HLA-DQB1: variants seen among roughly 807,000 people sequenced by gnomAD.
HLA-DQB1 encodes the protein HLA class II histocompatibility antigen, DQ beta 1 chain.
A neutral mutation model predicts 26.4 loss-of-function variants in HLA-DQB1; 13 were observed. That is an observed-to-expected ratio of 0.49 (90% CI 0.32 to 0.78). HLA-DQB1 has a LOEUF of 0.78. Ranked by LOEUF, HLA-DQB1 falls within the 30% of genes least tolerant of loss-of-function variation. HLA-DQB1 has a pLI of 0.03. For synonymous variants in HLA-DQB1, 60 were observed against 129.1 expected, an observed-to-expected ratio of 0.46 and a Z score of 3.63; for missense variants, 158 against 326.2, an observed-to-expected ratio of 0.48 and a Z score of 3.97.
intron 3 of HLA-DQB1, 38 bp downstream of exon 3, chr6:32,661,929 T>TG: frequency 4.0e-6 from 5 of 1,257,440 alleles, no homozygotes; most frequent in Non-Finnish European, 5.3e-6. Flanking sequence ...CTCTTTGTCT[T>TG]GTGGGCCCAT....
intron 4 of HLA-DQB1, 159 bp from the exon 5 acceptor site, chr6:32,660,408 G>A: frequency 2.4e-6 from 1 of 418,280 alleles, no homozygotes; most frequent in African/African-American, 2.0e-5. Flanking sequence ...GGTGAAATCA[G>A]CTCATGAGGA....
chr6:32,660,968 G>T (rs1019543462), intron 4 of HLA-DQB1: 20,928 of 725,096 alleles, frequency 0.029, 1,708 homozygotes, highest in East Asian at 0.18. Flanking sequence ...ACATGACTTA[G>T]AGTTACATTC....
intron 2 of HLA-DQB1, chr6:32,664,586 C>G (rs281862246): frequency 1.1e-5 from 3 of 279,920 alleles, no homozygotes; most frequent in African/African-American, 5.5e-5. Context: ...GGACACTAGG[C>G]AGCCTGGCCA....
At chr6:32,665,979 C>G (rs9274481) in intron 1 of HLA-DQB1, among the ~76,000 whole-genome samples, 66,890 of 122,086 alleles carry the variant, frequency 0.55, 19,629 homozygotes, top group East Asian at 0.69. Context: ...AAGACTCCCT[C>G]TCTGTGGTCA....
At chr6:32,665,781 A>G (rs34230758) in intron 1 of HLA-DQB1, among the ~76,000 whole-genome samples, 21,742 of 126,566 alleles carry the variant, frequency 0.17, 2,792 homozygotes, top group South Asian at 0.2. Flanking sequence ...CATGATATCT[A>G]CACACAGGAT....
chr6:32,663,088 T>C (rs281863560), intron 2 of HLA-DQB1: 10 of 143,926 alleles, frequency 6.9e-5, no homozygotes, highest in African/African-American at 2.3e-4. Context: ...CCGGAAGGAA[T>C]CATGGTTTCT....
rs1447092912 is a variant in HLA-DQB1 at position 32,664,571 on chromosome 6, G to A, written c.379+227C>T. 2.4e-5 allele frequency: 2 copies of A among 84,192 alleles called. 1 individual carries two copies. Among genetic ancestry groups the A allele is most frequent in the Non-Finnish European group, 3.8e-5 (2 of 53,022 alleles). The allele number at this position is 84,192 out of a possible 1,614,324, so 5.2% of individuals were successfully genotyped here. On this transcript the variant is annotated intron_variant, in intron 2 of 4. Coordinates refer to ENST00000434651, the Ensembl canonical transcript of HLA-DQB1. Reference sequence around the variant, plus strand: ...GACGAGGCCGACGGACGGGGAGGCTGGGGGGGACACTAGGCAGCCTGGCCA... The same window carrying A: ...GACGAGGCCGACGGACGGGGAGGCTAGGGGGGACACTAGGCAGCCTGGCCA...
In HLA-DQB1 at chr6:32,664,881, A is replaced by T. The variant is rs41563814; in HGVS notation, c.296T>A (p.Val99Asp). The T allele has an allele frequency of 1.1e-5, 14 of 1,240,768 alleles. 1 individual carries two copies. The East Asian group carries it at 3.4e-4, about 30-fold the overall frequency. The allele number at this position is 1,240,768 out of a possible 1,614,324, so 76.9% of individuals were successfully genotyped here. A position where few individuals can be genotyped will look rare whatever the true frequency, so the allele number is the denominator to read the frequency against. ...CAACTCCGCCCGGGTCCCCTCCAGG[A>T]CTTCCTTCTGGCTGTTCCAGTACTC... Residue 99 changes from valine to aspartate, a missense_variant, in exon 2 of 5, where the codon GTC (valine) becomes GAC (aspartate). Coordinates refer to ENST00000434651, the Ensembl canonical transcript of HLA-DQB1.
intron 4 of HLA-DQB1, 38 bp from the exon 5 acceptor site, chr6:32,660,287 T>C (rs767637544): frequency 0.12 from 112,549 of 914,012 alleles, 32,586 homozygotes; most frequent in Admixed American, 0.38. Context: ...GCACAGGGTA[T>C]CCTGGTGGGC....
exon 3 of HLA-DQB1, chr6:32,662,223 T>C (rs9274020): frequency 1.4e-6 from 2 of 1,454,652 alleles, no homozygotes; most frequent in Non-Finnish European, 1.9e-6. Flanking sequence ...CTGTCCTGGA[T>C]GGGGAGATGG....
In HLA-DQB1 at chr6:32,662,382, A is replaced by C. The variant is rs9274096; in HGVS notation, c.380-134T>G. On this transcript the variant is annotated intron_variant, in intron 2 of 4. Coordinates refer to ENST00000434651, the Ensembl canonical transcript of HLA-DQB1. The stretch of plus-strand genomic sequence containing the variant: ...GAGTCGAAGTCTTGGATTAAGGTTC[A>C]TTCAACAAATATAAATTTGACAATC... 0.22 allele frequency: 59,604 copies of C among 269,034 alleles called. 17,257 individuals are homozygous for C. The highest frequency in any genetic ancestry group is 0.3 in the South Asian group (3,285 of 10,946). The allele number at this position is 269,034 out of a possible 1,614,324, so 16.7% of individuals were successfully genotyped here. A position where few individuals can be genotyped will look rare whatever the true frequency, so the allele number is the denominator to read the frequency against.
Position 32,664,671 on chromosome 6 carries a change from C to A in HLA-DQB1, c.379+127G>T, listed in dbSNP as rs1475540125. 1.5e-4 allele frequency: 51 copies of A among 335,382 alleles called. 14 individuals are homozygous for A. The highest frequency in any genetic ancestry group is 2.4e-4 in the Non-Finnish European group (50 of 207,584). The allele number at this position is 335,382 out of a possible 1,614,324, so 20.8% of individuals were successfully genotyped here. On this transcript the variant is annotated intron_variant, in intron 2 of 4. Coordinates refer to ENST00000434651, the Ensembl canonical transcript of HLA-DQB1. Reference sequence around the variant, plus strand: ...CCTGCCCCCACCACCCCGCCGCCGCCTCCTTTCCCCTGGGGTGGAATGAAC... The same window carrying A: ...CCTGCCCCCACCACCCCGCCGCCGCATCCTTTCCCCTGGGGTGGAATGAAC...
chr6:32,665,372 G>A lies in HLA-DQB1; in HGVS notation c.110-305C>T, dbSNP rs281861799. Among the ~76,000 whole-genome samples, 11 of 135,302 alleles carry A rather than the reference G, an allele frequency of 8.1e-5. 3 individuals carry two copies. The highest frequency in any genetic ancestry group is 7.3e-4 in the Admixed American group (9 of 12,358). 88.8% of individuals were successfully genotyped at this position (135,302 alleles called of 152,430 possible). On this transcript the variant is annotated intron_variant, in intron 1 of 4. Coordinates refer to ENST00000434651, the Ensembl canonical transcript of HLA-DQB1. ...TTACATGCACCTCTGCACTTAGAGG[G>A]ATCAGGGCGTTCTCGCATGAAATCC...
chr6:32,661,854 C>T (rs117407437), intron 3 of HLA-DQB1, 113 bp downstream of exon 3: 21,162 of 877,374 alleles, frequency 0.024, 1,510 homozygotes, highest in South Asian at 0.16. Context: ...GCTCTAGTCT[C>T]CTGTGATTCC....
At chr6:32,661,990 T>C in exon 3 of HLA-DQB1, 1 of 1,552,042 alleles carries the variant, frequency 6.4e-7, no homozygotes, top group Non-Finnish European at 8.8e-7. Flanking sequence ...GATGGGGCTC[T>C]GGAGGCTGGG....
intron 4 of HLA-DQB1, chr6:32,660,521 C>A: frequency 2.8e-6 from 1 of 354,840 alleles, no homozygotes; most frequent in South Asian, 4.3e-5. Context: ...TGGATGATAT[C>A]TCTTCCCGAC....
rs281862050 is a variant in HLA-DQB1 at position 32,665,067 on chromosome 6, TC to T, written c.110-1del. On this transcript the variant is annotated splice_acceptor_variant, in intron 1 of 4. Coordinates refer to ENST00000434651, the Ensembl canonical transcript of HLA-DQB1. LOFTEE classifies it high-confidence loss of function. Reference sequence around the variant, plus strand: ...GCCCTTAAACTGGAACACGAAATCCTCTGCGGGGAATCACCGGCCGGTCAGT... The same window carrying T: ...GCCCTTAAACTGGAACACGAAATCCTTGCGGGGAATCACCGGCCGGTCAGT... 1 of 1,351,678 alleles carries T rather than the reference TC, an allele frequency of 7.4e-7. No homozygotes were observed. The highest frequency in any genetic ancestry group is 1.6e-5 in the African/African-American group (1 of 62,494). 83.7% of individuals were successfully genotyped at this position (1,351,678 alleles called of 1,614,324 possible).
intron 4 of HLA-DQB1, chr6:32,660,915 ATTAC>A: frequency 6.8e-7 from 1 of 1,477,348 alleles, no homozygotes; most frequent in Non-Finnish European, 9.2e-7. Flanking sequence ...GAAAGGTCTC[ATTAC>A]ACAAACAGCC....
chr6:32,660,974 C>T (rs9273534), intron 4 of HLA-DQB1: 354,475 of 682,894 alleles, frequency 0.52, 103,406 homozygotes, highest in East Asian at 0.7. Context: ...CTTAGAGTTA[C>T]ATTCTCTTCC....
Sources: gnomAD v4.1 joint callset for allele counts (sites outside exome capture counted in the v4.1 genomes callset) on GRCh38, gnomAD v4.1.1 for gene constraint, MANE v1.5 for transcripts, NCBI Gene and HGNC (gene_info 2026-07-23, HGNC 2026-07-21) for gene names.